The following MANBA variants were observed in gnomAD, a reference collection of about 807,000 sequenced individuals.
MANBA encodes the protein mannosidase beta.
A neutral mutation model predicts 111.1 loss-of-function variants in MANBA; 83 were observed. The observed-to-expected ratio is 0.75, with a 90% CI of 0.63 to 0.90. The LOEUF is 0.90. Ranked by LOEUF, MANBA falls within the 40% of genes least tolerant of loss-of-function variation. The pLI is 0.00. For synonymous variants in MANBA, 370 were observed against 378.7 expected, an observed-to-expected ratio of 0.98 and a Z score of 0.27; for missense variants, 1,036 against 1,069.0, an observed-to-expected ratio of 0.97 and a Z score of 0.43.
chr4:102,680,960 C>G (rs1326746630), intron 7 of MANBA, among the ~76,000 whole-genome samples: 2 of 152,218 alleles, frequency 1.3e-5, no homozygotes, highest in African/African-American at 2.4e-5. Context: ...ATAGGCCTAT[C>G]TGACCAATTC....
intron 1 of MANBA, among the ~76,000 whole-genome samples, chr4:102,758,262 T>C (rs1481573503): frequency 6.6e-6 from 1 of 152,214 alleles, no homozygotes; most frequent in African/African-American, 2.4e-5. Context: ...TTGTTTTCTT[T>C]ACCACTCGAT....
At chr4:102,724,384 C>G (rs1722705726) in intron 2 of MANBA, among the ~76,000 whole-genome samples, 1 of 152,080 alleles carries the variant, frequency 6.6e-6, no homozygotes, top group Non-Finnish European at 1.5e-5. Context: ...ATGGCGAAAC[C>G]CTGTCTCTAC....
rs572143579 is a variant in MANBA at position 102,756,787 on chromosome 4, A to G, written c.177+3931T>C. Reference sequence around the variant, plus strand: ...TCTATATATTTTAATGTTGGCATACAGAGACTATCTAAAAAAAAAAAAAAA... The same window carrying G: ...TCTATATATTTTAATGTTGGCATACGGAGACTATCTAAAAAAAAAAAAAAA... On this transcript the variant is annotated intron_variant, in intron 1 of 16. Coordinates refer to ENST00000647097, the MANE Select transcript of MANBA (RefSeq NM_005908.4). Among the ~76,000 whole-genome samples the G allele has an allele frequency of 4.2e-3, 603 of 141,898 alleles. 3 individuals are homozygous for G. Among genetic ancestry groups the G allele is most frequent in the Non-Finnish European group, 7.3e-3 (480 of 65,850 alleles). The allele number at this position is 141,898 out of a possible 152,430, so 93.1% of individuals were successfully genotyped here. A position where few individuals can be genotyped will look rare whatever the true frequency, so the allele number is the denominator to read the frequency against.
chr4:102,727,447 G>C (rs1356019563), intron 1 of MANBA: 2 of 1,376,006 alleles, frequency 1.5e-6, no homozygotes, highest in Middle Eastern at 1.8e-4. Flanking sequence ...TTGCACATGG[G>C]TCTCAGAGCA....
At chr4:102,661,418 C>T (rs886916536) in intron 11 of MANBA, among the ~76,000 whole-genome samples, 6 of 152,116 alleles carry the variant, frequency 3.9e-5, no homozygotes, top group South Asian at 4.1e-4. Flanking sequence ...CCCACAGCAT[C>T]GGGAATGAGG....
intron 5 of MANBA, among the ~76,000 whole-genome samples, chr4:102,712,195 A>G (rs570224132): frequency 6.6e-6 from 1 of 152,228 alleles, no homozygotes; most frequent in Non-Finnish European, 1.5e-5. Flanking sequence ...ATGTACAAAT[A>G]TTACGTGTCA....
chr4:102,722,618 A>T, intron 4 of MANBA: 1 of 481,268 alleles, frequency 2.1e-6, no homozygotes, highest in Non-Finnish European at 3.8e-6. Context: ...TATCAGCCAC[A>T]TATTTTTCCT....
intron 1 of MANBA, chr4:102,727,591 C>A: frequency 2.5e-6 from 4 of 1,605,798 alleles, no homozygotes; most frequent in East Asian, 2.2e-5. Context: ...GTAATTGAAG[C>A]TTTTGGGCTC....
intron 7 of MANBA, among the ~76,000 whole-genome samples, chr4:102,677,145 C>A (rs1480238741): frequency 6.6e-6 from 1 of 150,392 alleles, no homozygotes; most frequent in Admixed American, 6.6e-5. Flanking sequence ...TCCATTTTTA[C>A]TTGATAGAAA....
In MANBA at chr4:102,760,647, G is replaced by C. The variant is rs562725891; in HGVS notation, c.177+71C>G. The C allele has an allele frequency of 1.9e-5, 28 of 1,437,154 alleles. No homozygotes were observed. In the South Asian group the frequency reaches 3.5e-4, roughly 18 times the overall value. 89.0% of individuals were successfully genotyped at this position (1,437,154 alleles called of 1,614,324 possible). A position where few individuals can be genotyped will look rare whatever the true frequency, so the allele number is the denominator to read the frequency against. On this transcript the variant is annotated intron_variant, in intron 1 of 16. Transcript: ENST00000647097. ...GGCCCAGAGCTGGGGGCTGCCAGGC[G>C]GTTCCTGGGCCCCTCTCAGCACCAG... is the stretch of plus-strand genomic sequence containing the variant.
chr4:102,697,981 A>C (rs1275924170), intron 5 of MANBA, among the ~76,000 whole-genome samples: 5 of 151,844 alleles, frequency 3.3e-5, no homozygotes, highest in East Asian at 2.0e-4. Flanking sequence ...CCAACAGTGT[A>C]AAAGTGTTCC....
chr4:102,690,119 T>C (rs930976497), intron 6 of MANBA, among the ~76,000 whole-genome samples: 3 of 151,948 alleles, frequency 2.0e-5, no homozygotes, highest in African/African-American at 7.3e-5. Context: ...CAATTATCAA[T>C]TAGAGGAATA....
intron 1 of MANBA, chr4:102,753,988 G>T: frequency 3.1e-6 from 1 of 323,180 alleles, no homozygotes; most frequent in South Asian, 2.1e-5. Flanking sequence ...GGGCGACAGA[G>T]TGAGACTCTG....
chr4:102,738,130 G>A (rs1296351425), intron 1 of MANBA, among the ~76,000 whole-genome samples: 1 of 152,172 alleles, frequency 6.6e-6, no homozygotes, highest in Admixed American at 6.5e-5. Context: ...CCTCCTGGCT[G>A]GAGACCAATC....
At chr4:102,751,393 T>C in intron 1 of MANBA, 1 of 436,126 alleles carries the variant, frequency 2.3e-6, no homozygotes, top group Non-Finnish European at 4.6e-6. Flanking sequence ...TTGTGTGTAC[T>C]CCTTGCCTTG....
At position 102,634,921 on chromosome 4, in the gene MANBA, C is replaced by G. The variant is rs538584064; in HGVS notation, c.2282G>C (p.Cys761Ser). ...ACAGCTTTCCCGTGTGCAATTCCCA[C>G]ATCTCCTCAGCAATTCAGACACTGG... ...EEPVSELLRR[C>S]GNCTRESCVV... Residue 761 changes from cysteine (C) to serine (S), a missense_variant, in exon 16 of 17, where the codon TGT (cysteine) becomes TCT (serine). By Grantham distance (112) the Cys-to-Ser change is moderately radical (BLOSUM62 -1). Coordinates refer to ENST00000647097, the MANE Select transcript of MANBA (RefSeq NM_005908.4). 105 of 1,614,244 alleles carry G rather than the reference C, an allele frequency of 6.5e-5. No homozygotes were observed. In the South Asian group the frequency reaches 1.1e-3, roughly 17 times the overall value.
chr4:102,733,678 C>A (rs935863776), intron 1 of MANBA, among the ~76,000 whole-genome samples: 1 of 152,136 alleles, frequency 6.6e-6, no homozygotes, highest in Non-Finnish European at 1.5e-5. Context: ...CTGCTTTTAC[C>A]CTTTCTAGAA....
At chr4:102,701,243 CTA>C (rs1395125169) in intron 5 of MANBA, among the ~76,000 whole-genome samples, 1 of 151,634 alleles carries the variant, frequency 6.6e-6, no homozygotes, top group African/African-American at 2.4e-5. Flanking sequence ...TATTTTGAGC[CTA>C]TGTGTGTCTC....
rs1204864396 is a variant in MANBA, at chr4:102,632,223, G to A, written c.2474C>T (p.Ala825Val). The A allele has an allele frequency of 3.1e-6, 5 of 1,613,836 alleles. No individual in the cohort carries two copies. Among genetic ancestry groups the A allele is most frequent in the Non-Finnish European group, 4.2e-6 (5 of 1,179,874 alleles). Residue 825 changes from alanine (A) to valine (V), a missense_variant, in exon 17 of 17, where the codon GCT becomes GTT. Transcript: ENST00000647097. ...FVFDLETSAV[A>V]PFVWLDVGSI... ...TCCTACATCCAACCAAACAAAGGGA[G>A]CGACAGCTGAGGTCTCCAGGTCAAA...
Sources: allele counts gnomAD v4.1 joint callset (sites outside exome capture counted in the v4.1 genomes callset), GRCh38; gene constraint gnomAD v4.1.1; transcripts MANE v1.5; gene names NCBI Gene and HGNC (gene_info 2026-07-23, HGNC 2026-07-21).